THSD7B: variants seen among roughly 807,000 people sequenced by gnomAD.
The protein encoded by THSD7B is thrombospondin type 1 domain containing 7B, also known as thrombospondin type-1 domain-containing protein 7B.
Under a neutral mutation model 213.6 loss-of-function variants are expected in THSD7B, and 138 were observed. The ratio of observed to expected loss-of-function variants is 0.65; its 90% CI spans 0.56 to 0.74. The LOEUF is 0.74. Ranked by LOEUF, THSD7B falls within the 30% of genes least tolerant of loss-of-function variation. The pLI is 0.00. For synonymous variants in THSD7B, 742 were observed against 687.0 expected (o/e 1.08, Z -1.25); for missense variants, 1,931 against 1,991.5 (o/e 0.97, Z 0.58).
At chr2:137,518,009 A>G (rs534872854) in intron 15 of THSD7B, among the ~76,000 whole-genome samples, 4 of 152,290 alleles carry the variant, frequency 2.6e-5, no homozygotes, top group Non-Finnish European at 5.9e-5. Flanking sequence ...GCACAGCAGC[A>G]TTAAATCATC....
At chr2:137,421,548 A>T (rs1214945874) in intron 14 of THSD7B, among the ~76,000 whole-genome samples, 1 of 152,092 alleles carries the variant, frequency 6.6e-6, no homozygotes, top group Non-Finnish European at 1.5e-5. Flanking sequence ...CAGAACTTCC[A>T]TGCTCTCCCT....
chr2:137,168,383 A>G lies in THSD7B; in HGVS notation c.1526-2358A>G, dbSNP rs1202935765. On this transcript the variant is annotated intron_variant, in intron 6 of 27. Coordinates refer to ENST00000409968, the MANE Select transcript of THSD7B (RefSeq NM_001316349.2). ...CTTTCAGAACAGAAGTACCTGGGAG[A>G]TGCCTGATGTCTATTGCAGGCATGA... is the stretch of plus-strand genomic sequence containing the variant. 3.9e-5 allele frequency among the ~76,000 whole-genome samples: 6 copies of G among 152,324 alleles called. No individual in the cohort carries two copies. The East Asian group carries it at 9.6e-4, about 24-fold the overall frequency.
intron 2 of THSD7B, among the ~76,000 whole-genome samples, chr2:136,942,882 A>G (rs1558861430): frequency 1.3e-5 from 2 of 152,162 alleles, no homozygotes; most frequent in Non-Finnish European, 2.9e-5. Context: ...AACTTCCAAC[A>G]CTGTGTTGAA....
intron 2 of THSD7B, among the ~76,000 whole-genome samples, chr2:136,961,224 CT>C (rs201759566): frequency 3.1e-4 from 39 of 126,932 alleles, no homozygotes; most frequent in Admixed American, 3.3e-4. Context: ...TTTTTCTTTT[CT>C]TTTTTTTTTT....
At chr2:137,097,675 A>T (rs1688064103) in intron 4 of THSD7B, among the ~76,000 whole-genome samples, 1 of 152,022 alleles carries the variant, frequency 6.6e-6, no homozygotes, top group Non-Finnish European at 1.5e-5. Flanking sequence ...TCTTCATTTG[A>T]TAGAACATTA....
intron 1 of THSD7B, among the ~76,000 whole-genome samples, chr2:136,869,167 AG>A (rs2104979427): frequency 6.6e-6 from 1 of 152,238 alleles, no homozygotes; most frequent in Admixed American, 6.5e-5. Context: ...TCTGATCTTT[AG>A]GGGTGGTGGA....
intron 25 of THSD7B, 46 bp from the exon 26 acceptor site, chr2:137,663,337 C>A (rs761045278): frequency 1.4e-6 from 2 of 1,393,106 alleles, no homozygotes; most frequent in South Asian, 1.6e-5. Flanking sequence ...ATTCATTCAC[C>A]TGTTCAACTC....
intron 2 of THSD7B, among the ~76,000 whole-genome samples, chr2:137,014,857 G>A (rs897658539): frequency 2.0e-5 from 3 of 151,992 alleles, no homozygotes; most frequent in African/African-American, 4.8e-5. Flanking sequence ...GCATCAGCCA[G>A]CTGTCTCTTC....
At chr2:137,275,537 TG>T (rs1486160429) in intron 11 of THSD7B, among the ~76,000 whole-genome samples, 2 of 151,496 alleles carry the variant, frequency 1.3e-5, no homozygotes, top group East Asian at 1.9e-4. Context: ...TTTCTTGTAT[TG>T]TTTTTTTTTT....
intron 2 of THSD7B, among the ~76,000 whole-genome samples, chr2:136,947,881 C>T (rs140780532): frequency 2.0e-4 from 31 of 152,286 alleles, no homozygotes; most frequent in African/African-American, 5.3e-4. Context: ...GTATGTCTCT[C>T]CCTGCCAGGT....
intron 5 of THSD7B, among the ~76,000 whole-genome samples, chr2:137,158,231 C>A (rs1480283601): frequency 6.6e-6 from 1 of 152,182 alleles, no homozygotes; most frequent in South Asian, 2.1e-4. Flanking sequence ...GAATCACAAA[C>A]CCCTTCCCCA....
chr2:136,848,897 A>G (rs1683052134), intron 1 of THSD7B, among the ~76,000 whole-genome samples: 1 of 152,102 alleles, frequency 6.6e-6, no homozygotes, highest in Non-Finnish European at 1.5e-5. Flanking sequence ...TTTTTAGACA[A>G]TAATAATTTT....
At chr2:137,602,015 G>T (rs906659984) in intron 17 of THSD7B, among the ~76,000 whole-genome samples, 2 of 152,192 alleles carry the variant, frequency 1.3e-5, no homozygotes, top group African/African-American at 4.8e-5. Flanking sequence ...TCCCAAAACT[G>T]CAGTGGCCTG....
At chr2:137,299,966 T>C (rs1337834987) in intron 12 of THSD7B, among the ~76,000 whole-genome samples, 1 of 152,174 alleles carries the variant, frequency 6.6e-6, no homozygotes, top group East Asian at 1.9e-4. Flanking sequence ...AATAAAGTAT[T>C]GAACAATATT....
chr2:137,175,489 T>C (rs1163575297), intron 7 of THSD7B, among the ~76,000 whole-genome samples: 1 of 152,220 alleles, frequency 6.6e-6, no homozygotes, highest in African/African-American at 2.4e-5. Context: ...ACAGTTGCAC[T>C]ATGCATTTTC....
rs1433831955 is a variant in THSD7B at position 136,900,487 on chromosome 2, C to G, written c.139+18170C>G. On this transcript the variant is annotated intron_variant, in intron 2 of 27. Transcript: ENST00000409968. ...ACACACACACACCACACAACAAAAT[C>G]TCTTTGTATTTTTGTTTGAAAAAAA... 2.0e-5 allele frequency among the ~76,000 whole-genome samples: 3 copies of G among 151,998 alleles called. No individual in the cohort carries two copies. In the East Asian group the frequency reaches 5.8e-4, roughly 29 times the overall value.
Position 136,825,718 on chromosome 2 carries a change from A to ATTTTT in THSD7B, c.-35-56414_-35-56410dup, listed in dbSNP as rs55814718. 3.1e-3 allele frequency among the ~76,000 whole-genome samples: 365 copies of ATTTTT among 116,898 alleles called. 21 individuals are homozygous for ATTTTT. The highest frequency in any genetic ancestry group is 0.011 in the South Asian group (36 of 3,224). The allele number at this position is 116,898 out of a possible 152,430, so 76.7% of individuals were successfully genotyped here. A position where few individuals can be genotyped will look rare whatever the true frequency, so the allele number is the denominator to read the frequency against. ...AGGTGCTCACTGCCATGCCTGGCTA[A>ATTTTT]TTTTTTTTTTTTTTTTAGATCTGGG... On this transcript the variant is annotated intron_variant, in intron 1 of 27. Transcript: ENST00000409968.
intron 2 of THSD7B, among the ~76,000 whole-genome samples, chr2:136,974,216 G>A (rs1685445688): frequency 6.6e-6 from 1 of 152,078 alleles, no homozygotes; most frequent in Non-Finnish European, 1.5e-5. Context: ...TTTACTTTAA[G>A]TTCCAGGGTA....
chr2:136,961,386 AT>A (rs1364450904), intron 2 of THSD7B, among the ~76,000 whole-genome samples: 1 of 151,452 alleles, frequency 6.6e-6, no homozygotes, highest in Non-Finnish European at 1.5e-5. Context: ...TGCCCGGCTA[AT>A]TTTTTGTATT....
Sources: allele counts gnomAD v4.1 joint callset (sites outside exome capture counted in the v4.1 genomes callset), GRCh38; gene constraint gnomAD v4.1.1; transcripts MANE v1.5; gene names NCBI Gene and HGNC (gene_info 2026-07-23, HGNC 2026-07-21).